The following DIP2C variants were observed in gnomAD, a reference collection of about 807,000 sequenced individuals.
DIP2C encodes DIP2 acetate--CoA ligase C (putative).
DIP2C carries 33 observed loss-of-function variants against 192.4 expected under a neutral mutation model. That is an observed-to-expected ratio of 0.17 (90% CI 0.13 to 0.23). The LOEUF (loss-of-function observed/expected upper bound fraction) is 0.23, where lower values mean the gene tolerates loss of function less well. Among genes scored for constraint, DIP2C ranks in the 10% least tolerant of loss-of-function variants. The probability of loss-of-function intolerance (pLI) is 1.00; values close to 1 mark genes in which losing one functional copy is unlikely to be tolerated. For missense variants in DIP2C, 1,537 were observed against 2,110.1 expected (o/e 0.73, Z 5.32); for synonymous variants, 979 against 864.1 (o/e 1.13, Z -2.33).
At chr10:461,419 A>G (rs1969763384) in intron 3 of DIP2C, among the ~76,000 whole-genome samples, 1 of 152,252 alleles carries the variant, frequency 6.6e-6, no homozygotes, top group African/African-American at 2.4e-5. Context: ...TAAACCAACA[A>G]AGATCAAAAA....
chr10:387,932 G>GT (rs1963115302), intron 13 of DIP2C, 123 bp from the exon 14 acceptor site: 6 of 1,130,828 alleles, frequency 5.3e-6, no homozygotes, highest in Non-Finnish European at 7.9e-6. Flanking sequence ...TCATTTTGCC[G>GT]TATCTTGGTG....
intron 1 of DIP2C, among the ~76,000 whole-genome samples, chr10:625,078 A>G (rs941579670): frequency 2.0e-5 from 3 of 152,164 alleles, no homozygotes; most frequent in Admixed American, 2.0e-4. Context: ...GTCATTTTAG[A>G]CGCAGGTGCC....
At chr10:401,365 A>G (rs964278947) in intron 9 of DIP2C, among the ~76,000 whole-genome samples, 6 of 151,658 alleles carry the variant, frequency 4.0e-5, no homozygotes, top group African/African-American at 1.5e-4. Flanking sequence ...TAGCATTAGC[A>G]TTACTCTTCC....
chr10:541,527 C>T (rs932099374), intron 1 of DIP2C, among the ~76,000 whole-genome samples: 33 of 148,262 alleles, frequency 2.2e-4, no homozygotes, highest in African/African-American at 7.0e-4. Context: ...TGACCACACC[C>T]ATCTCTCCTC....
chr10:305,307 G>T (rs373352810), intron 32 of DIP2C, among the ~76,000 whole-genome samples: 1 of 152,148 alleles, frequency 6.6e-6, no homozygotes, highest in Non-Finnish European at 1.5e-5. Context: ...ACACATGCAT[G>T]TATGCACAGC....
chr10:489,020 G>A (rs536910765), intron 1 of DIP2C, among the ~76,000 whole-genome samples: 126 of 152,208 alleles, frequency 8.3e-4, no homozygotes, highest in African/African-American at 2.9e-3. Flanking sequence ...ACTGGGGGGC[G>A]GGCAAAGGGG....
chr10:387,671 A>G, intron 14 of DIP2C, 74 bp downstream of exon 14: 1 of 1,175,554 alleles, frequency 8.5e-7, no homozygotes, highest in Admixed American at 1.9e-5. Flanking sequence ...GGGGAGGGGG[A>G]CTCCTGTGTG....
intron 3 of DIP2C, among the ~76,000 whole-genome samples, chr10:441,857 C>T (rs1205826813): frequency 6.6e-6 from 1 of 150,960 alleles, no homozygotes; most frequent in South Asian, 2.1e-4. Flanking sequence ...CTGTAAGTCC[C>T]TAAGGGCTGG....
chr10:510,383 T>C (rs186993351), intron 1 of DIP2C, among the ~76,000 whole-genome samples: 14 of 152,274 alleles, frequency 9.2e-5, no homozygotes, highest in African/African-American at 3.1e-4. Flanking sequence ...TCATAGGCAG[T>C]TTTCTTCTCT....
chr10:448,369 C>CT (rs1968497411), intron 3 of DIP2C, among the ~76,000 whole-genome samples: 2 of 144,404 alleles, frequency 1.4e-5, no homozygotes, highest in African/African-American at 5.3e-5. Context: ...CACTCACTCC[C>CT]GTCGATACTC....
intron 31 of DIP2C, among the ~76,000 whole-genome samples, chr10:315,822 G>A (rs917950850): frequency 2.6e-4 from 40 of 152,046 alleles, no homozygotes; most frequent in African/African-American, 9.2e-4. Flanking sequence ...TTAGACCCAC[G>A]GGCCTCAGAC....
In DIP2C at chr10:531,239, C is replaced by T. The variant is rs1199849110; in HGVS notation, c.86-44709G>A. Among the ~76,000 whole-genome samples the T allele has an allele frequency of 2.0e-5, 3 of 152,220 alleles. No individual in the cohort carries two copies. In the South Asian group the frequency reaches 6.2e-4, roughly 32 times the overall value. On this transcript the variant is annotated intron_variant, in intron 1 of 36. Coordinates refer to ENST00000280886, the MANE Select transcript of DIP2C (RefSeq NM_014974.3). Reference sequence around the variant, plus strand: ...TAAACATTCAGACATTCCACAATCCCGATGAGCACACACAGCGAACAAACC... The same window carrying T: ...TAAACATTCAGACATTCCACAATCCTGATGAGCACACACAGCGAACAAACC...
intron 30 of DIP2C, 88 bp from the exon 31 acceptor site, chr10:327,264 A>G: frequency 6.9e-7 from 1 of 1,443,972 alleles, no homozygotes; most frequent in South Asian, 1.4e-5. Context: ...TCCCCACGTA[A>G]ACATTGGAAA....
chr10:604,122 G>A (rs1209841871), intron 1 of DIP2C, among the ~76,000 whole-genome samples: 3 of 150,728 alleles, frequency 2.0e-5, no homozygotes, highest in Non-Finnish European at 4.4e-5. Flanking sequence ...CAAGGCATGT[G>A]TGTGAGGACA....
At chr10:462,759 A>C (rs574254617) in intron 3 of DIP2C, among the ~76,000 whole-genome samples, 89 of 152,334 alleles carry the variant, frequency 5.8e-4, no homozygotes, top group African/African-American at 2.1e-3. Flanking sequence ...GATGAACATC[A>C]ATGTGAAAAT....
chr10:430,145 G>C (rs1966843794), intron 4 of DIP2C: 1 of 152,196 alleles, frequency 6.6e-6, no homozygotes, highest in Non-Finnish European at 1.5e-5. Flanking sequence ...CATATGATGT[G>C]AAGCGTCATT....
At chr10:613,011 C>A (rs1853206741) in intron 1 of DIP2C, among the ~76,000 whole-genome samples, 1 of 152,128 alleles carries the variant, frequency 6.6e-6, no homozygotes, top group Admixed American at 6.5e-5. Flanking sequence ...CACGTTCTTT[C>A]CTGCAGTTTT....
intron 1 of DIP2C, among the ~76,000 whole-genome samples, chr10:673,732 G>A (rs765411769): frequency 3.3e-5 from 5 of 152,144 alleles, no homozygotes; most frequent in Non-Finnish European, 7.4e-5. Context: ...CTTCCCAGAA[G>A]GGCTGATTTT....
chr10:484,884 T>G, intron 2 of DIP2C: 2 of 1,612,000 alleles, frequency 1.2e-6, no homozygotes, highest in Non-Finnish European at 1.7e-6. Flanking sequence ...CAGAGCGGAA[T>G]GTTCTCCTCG....
Sources: gnomAD v4.1 joint callset for allele counts (sites outside exome capture counted in the v4.1 genomes callset) on GRCh38, gnomAD v4.1.1 for gene constraint, MANE v1.5 for transcripts, NCBI Gene and HGNC (gene_info 2026-07-23, HGNC 2026-07-21) for gene names.